The following TNIK variants were observed in gnomAD, a reference collection of about 807,000 sequenced individuals.
The protein encoded by TNIK is TRAF2 and NCK interacting kinase, also known as TRAF2 and NCK-interacting protein kinase.
In TNIK, 49 loss-of-function variants were observed where a neutral mutation model predicts 191.3. The observed-to-expected ratio is 0.26, with a 90% CI of 0.20 to 0.32. TNIK has a LOEUF of 0.32. TNIK is among the 10% of genes least tolerant of loss of function. The pLI is 1.00. For missense variants in TNIK, 1,155 were observed against 1,702.3 expected (o/e 0.68, Z 5.66); for synonymous variants, 594 against 600.9 (o/e 0.99, Z 0.17).
intron 1 of TNIK, among the ~76,000 whole-genome samples, chr3:171,438,998 A>G (rs1245873385): frequency 1.3e-5 from 2 of 152,198 alleles, no homozygotes; most frequent in African/African-American, 2.4e-5. Flanking sequence ...CATTCCCACT[A>G]TTTATTTAGA....
At chr3:171,137,567 G>C in intron 15 of TNIK, among the ~76,000 whole-genome samples, 1 of 152,114 alleles carries the variant, frequency 6.6e-6, no homozygotes, top group East Asian at 1.9e-4. Context: ...CATCCAAGCA[G>C]TTTTTATTAA....
At chr3:171,230,940 C>T (rs944317085) in intron 2 of TNIK, among the ~76,000 whole-genome samples, 10 of 150,666 alleles carry the variant, frequency 6.6e-5, no homozygotes, top group African/African-American at 2.4e-4. Context: ...GACTGCCCAA[C>T]TCTAGTCTGC....
Position 171,063,932 on chromosome 3 carries a change from A to G in TNIK, c.4032T>C (p.Ser1344=). 6.2e-7 allele frequency: 1 copy of G among 1,613,878 alleles called. No individual in the cohort carries two copies. Among genetic ancestry groups the G allele is most frequent in the Non-Finnish European group, 8.5e-7 (1 of 1,179,786 alleles). ...TGAGGGTCATGAAAAACACTTGGCT[A>G]CTTCCTCCAGATCGCACGGATGCAA... ...VFFASVRSGG[S]SQVFFMTLNR... Residue 1344 remains serine (S), a synonymous_variant, in exon 33 of 33, where the codon AGT becomes AGC. Transcript: ENST00000436636.
At position 171,064,092 on chromosome 3, in the gene TNIK, G is replaced by A. The variant is rs1002839465; in HGVS notation, c.4000-128C>T. 20 of 801,484 alleles carry A rather than the reference G, an allele frequency of 2.5e-5. No homozygotes were observed. The Admixed American group carries it at 5.2e-4, about 21-fold the overall frequency. 49.6% of individuals were successfully genotyped at this position (801,484 alleles called of 1,614,324 possible). A position where few individuals can be genotyped will look rare whatever the true frequency, so the allele number is the denominator to read the frequency against. Reference sequence around the variant, plus strand: ...GTCAGGTCTTAAGACTCAATGGCTTGTGTTTATAAAGTCCCTTTGGATATC... The same window carrying A: ...GTCAGGTCTTAAGACTCAATGGCTTATGTTTATAAAGTCCCTTTGGATATC... On this transcript the variant is annotated intron_variant, in intron 32 of 32. Coordinates refer to ENST00000436636, the MANE Select transcript of TNIK (RefSeq NM_015028.4).
rs1560128004 is a variant in TNIK, at chr3:171,110,890, CAG to C, written c.2121-15_2121-14del. 4 of 1,592,394 alleles carry C rather than the reference CAG, an allele frequency of 2.5e-6. No homozygotes were observed. The highest frequency in any genetic ancestry group is 1.2e-5 in the South Asian group (1 of 86,376). ...GAGATCAGGGTTGCTGTGTGAGTGA[CAG>C]AGCACACTGGTTACACTCTCCAGAC... On this transcript the variant is annotated splice_polypyrimidine_tract_variant and intron_variant, in intron 18 of 32. Coordinates refer to ENST00000436636, the MANE Select transcript of TNIK (RefSeq NM_015028.4).
intron 32 of TNIK, 54 bp from the exon 33 acceptor site, chr3:171,064,018 T>C (rs899324696): frequency 2.0e-6 from 3 of 1,537,176 alleles, no homozygotes; most frequent in African/African-American, 2.7e-5. Context: ...TCCCCTCTTT[T>C]CTTCAACCGT....
intron 2 of TNIK, among the ~76,000 whole-genome samples, chr3:171,312,100 G>A (rs1010872570): frequency 2.4e-5 from 3 of 125,698 alleles, no homozygotes; most frequent in Non-Finnish European, 4.7e-5. Flanking sequence ...TGTCCCTAAC[G>A]GCAGCTCCAG....
chr3:171,378,080 G>T (rs1717508469), intron 1 of TNIK, among the ~76,000 whole-genome samples: 1 of 152,204 alleles, frequency 6.6e-6, no homozygotes, highest in South Asian at 2.1e-4. Context: ...GAGCATAGAA[G>T]TTTTCTATAC....
chr3:171,151,779 T>C (rs2108683616), intron 12 of TNIK, among the ~76,000 whole-genome samples: 1 of 152,340 alleles, frequency 6.6e-6, no homozygotes, highest in South Asian at 2.1e-4. Context: ...AGAGCATCAA[T>C]ATGCTGTCCT....
intron 1 of TNIK, among the ~76,000 whole-genome samples, chr3:171,400,248 T>C (rs1054913623): frequency 1.3e-5 from 2 of 152,166 alleles, no homozygotes; most frequent in African/African-American, 2.4e-5. Context: ...TTTCCCCTGG[T>C]GTTCTCATTT....
At chr3:171,399,026 G>A (rs1720584075) in intron 1 of TNIK, among the ~76,000 whole-genome samples, 1 of 152,150 alleles carries the variant, frequency 6.6e-6, no homozygotes, top group Non-Finnish European at 1.5e-5. Flanking sequence ...CTGCAAGTGA[G>A]CCCCTTGAGA....
intron 2 of TNIK, among the ~76,000 whole-genome samples, chr3:171,324,059 T>C (rs1755476409): frequency 6.6e-6 from 1 of 152,046 alleles, no homozygotes; most frequent in Non-Finnish European, 1.5e-5. Flanking sequence ...GAAAACACCC[T>C]GCCCATGCTG....
At position 171,131,070 on chromosome 3, in the gene TNIK, G is replaced by A. The variant is rs148605024; in HGVS notation, c.1609-2192C>T. Among the ~76,000 whole-genome samples the A allele has an allele frequency of 4.6e-3, 665 of 144,428 alleles. 2 individuals carry two copies. The highest frequency in any genetic ancestry group is 0.043 in the Middle Eastern group (12 of 280). The allele number at this position is 144,428 out of a possible 152,430, so 94.8% of individuals were successfully genotyped here. ...ATCACAGGCCACAGGGGGCCCTAAA[G>A]CTATCATTAGAAATTAACAGGGCAT... is the stretch of plus-strand genomic sequence containing the variant. On this transcript the variant is annotated intron_variant, in intron 15 of 32. Transcript: ENST00000436636.
At chr3:171,219,182 T>C (rs1487483529) in intron 3 of TNIK, among the ~76,000 whole-genome samples, 4 of 94,754 alleles carry the variant, frequency 4.2e-5, no homozygotes, top group African/African-American at 1.9e-4. Context: ...AATCATTCAA[T>C]AATCATTTAC....
rs373386336 is a variant in TNIK, at chr3:171,175,276, G to T, written c.749C>A (p.Ala250Glu). Residue 250 changes from alanine to glutamate, a missense_variant, in exon 9 of 33, where the codon GCG becomes GAG. By Grantham distance (107) the Ala-to-Glu change is moderately radical. Transcript: ENST00000436636. ...CCACTTCTTAGACTTCAGCCGAGGC[G>T]CTGGGTTCCGGGGGATGAGGAAGAG... ...RALFLIPRNP[A>E]PRLKSKKWSK... 1.9e-6 allele frequency: 3 copies of T among 1,612,784 alleles called. No homozygotes were observed. The highest frequency in any genetic ancestry group is 1.1e-5 in the South Asian group (1 of 90,496).
At chr3:171,322,839 C>CTTTT (rs10617013) in intron 2 of TNIK, among the ~76,000 whole-genome samples, 4 of 136,318 alleles carry the variant, frequency 2.9e-5, no homozygotes, top group African/African-American at 5.4e-5. Context: ...GTTTTCTTTT[C>CTTTT]TTTTTTTTTT....
intron 26 of TNIK, chr3:171,082,664 G>A (rs930502185): frequency 8.6e-6 from 3 of 350,102 alleles, no homozygotes; most frequent in African/African-American, 2.1e-5. Flanking sequence ...GTCAATAGGA[G>A]CCTTAGGCAC....
At chr3:171,140,362 G>A (rs900542982) in intron 13 of TNIK, 37 bp downstream of exon 13, 13 of 1,495,432 alleles carry the variant, frequency 8.7e-6, no homozygotes, top group South Asian at 2.7e-5. Flanking sequence ...TGGGGTCCCC[G>A]GGGGGCCATC....
chr3:171,079,783 G>T, intron 27 of TNIK, 131 bp from the exon 28 acceptor site: 1 of 1,112,670 alleles, frequency 9.0e-7, no homozygotes, highest in Non-Finnish European at 1.2e-6. Context: ...AATAACCAGT[G>T]TCCCCAGCAC....
Sources: gnomAD v4.1 joint callset for allele counts (sites outside exome capture counted in the v4.1 genomes callset) on GRCh38, gnomAD v4.1.1 for gene constraint, MANE v1.5 for transcripts, NCBI Gene and HGNC (gene_info 2026-07-23, HGNC 2026-07-21) for gene names.